SPATA7: variants seen among roughly 807,000 people sequenced by gnomAD.
SPATA7 encodes spermatogenesis-associated protein 7.
A neutral mutation model predicts 51.8 loss-of-function variants in SPATA7; 43 were observed. The observed-to-expected ratio is 0.83, with a 90% CI of 0.65 to 1.07. The LOEUF (loss-of-function observed/expected upper bound fraction) is 1.07, where lower values mean the gene tolerates loss of function less well. Ranked by LOEUF, SPATA7 falls within the 50% of genes least tolerant of loss-of-function variation. The pLI is 0.00. For missense variants in SPATA7, 683 were observed against 701.3 expected, an observed-to-expected ratio of 0.97 and a Z score of 0.30; for synonymous variants, 230 against 252.8, an observed-to-expected ratio of 0.91 and a Z score of 0.86.
intron 3 of SPATA7, among the ~76,000 whole-genome samples, chr14:88,450,874 T>C (rs2077245567): frequency 6.6e-6 from 1 of 152,218 alleles, no homozygotes; most frequent in Non-Finnish European, 1.5e-5. Flanking sequence ...TTTCTTCAAT[T>C]ATTCCCTCAA....
chr14:88,441,751 T>C (rs2077179775), downstream of SPATA7, among the ~76,000 whole-genome samples: 1 of 152,226 alleles, frequency 6.6e-6, no homozygotes, highest in Admixed American at 6.5e-5. Flanking sequence ...TATTAGTCCT[T>C]TGTCAGATGT....
At chr14:88,470,292 T>C (rs1166021920) in exon 5 of SPATA7, 7 of 500,932 alleles carry the variant, frequency 1.4e-5, no homozygotes, top group Middle Eastern at 5.3e-4. Context: ...CTATGCAACC[T>C]GTTTAACCTT....
At chr14:88,422,949 G>A (rs1412938515) in intron 5 of SPATA7, among the ~76,000 whole-genome samples, 1 of 152,116 alleles carries the variant, frequency 6.6e-6, no homozygotes, top group Non-Finnish European at 1.5e-5. Flanking sequence ...TAGTTAAAAT[G>A]CTGGCTTTAA....
chr14:88,439,618 C>A (rs1447741022), downstream of SPATA7, among the ~76,000 whole-genome samples: 1 of 152,130 alleles, frequency 6.6e-6, no homozygotes, highest in African/African-American at 2.4e-5. Context: ...GTATCCTGTT[C>A]TTTAACTCGG....
intron 4 of SPATA7, 47 bp from the exon 5 acceptor site, chr14:88,416,664 A>G (rs747880531): frequency 1.6e-5 from 25 of 1,604,308 alleles, no homozygotes; most frequent in Admixed American, 5.1e-5. Context: ...CAAAAAACCA[A>G]TTTTCTATTT....
At chr14:88,461,148 C>T (rs1298988198) in intron 4 of SPATA7, among the ~76,000 whole-genome samples, 8 of 152,188 alleles carry the variant, frequency 5.3e-5, no homozygotes, top group African/African-American at 1.7e-4. Context: ...TTAGGCTACT[C>T]GGGGGTCAGG....
chr14:88,408,007 G>A (rs1178786363), intron 4 of SPATA7, among the ~76,000 whole-genome samples: 2 of 152,146 alleles, frequency 1.3e-5, no homozygotes, highest in Non-Finnish European at 2.9e-5. Context: ...TTTGGTTACT[G>A]TAGCCTTGCA....
chr14:88,435,880 G>A (rs888907481), intron 10 of SPATA7, among the ~76,000 whole-genome samples: 2 of 152,018 alleles, frequency 1.3e-5, no homozygotes, highest in Non-Finnish European at 2.9e-5. Context: ...ACAGTGCTAC[G>A]ACAAACATAA....
At chr14:88,387,682 G>T (rs943913230) in intron 1 of SPATA7, among the ~76,000 whole-genome samples, 3 of 152,174 alleles carry the variant, frequency 2.0e-5, no homozygotes, top group African/African-American at 7.2e-5. Flanking sequence ...CTGAAAAACG[G>T]TTAGTCTTGT....
chr14:88,434,579 G>A (rs2077027480), intron 10 of SPATA7, among the ~76,000 whole-genome samples: 1 of 151,852 alleles, frequency 6.6e-6, no homozygotes, highest in South Asian at 2.1e-4. Context: ...CAGCTACTCA[G>A]GAGGGTGAGG....
intron 5 of SPATA7, among the ~76,000 whole-genome samples, chr14:88,417,099 A>G (rs1006675350): frequency 6.6e-6 from 1 of 152,118 alleles, no homozygotes; most frequent in African/African-American, 2.4e-5. Flanking sequence ...ATTGGGTCAG[A>G]TTTGGCCTGA....
At chr14:88,459,453 A>T (rs1475262286), downstream of SPATA7, among the ~76,000 whole-genome samples, 1 of 152,198 alleles carries the variant, frequency 6.6e-6, no homozygotes, top group Non-Finnish European at 1.5e-5. Flanking sequence ...TTCTTGTTGA[A>T]TTGATCCCTT....
At position 88,438,320 on chromosome 14, in the gene SPATA7, T is replaced by C; in HGVS notation, c.1698T>C (p.Ser566=). The C allele has an allele frequency of 2.5e-6, 4 of 1,614,032 alleles. No homozygotes were observed. Among genetic ancestry groups the C allele is most frequent in the Non-Finnish European group, 3.4e-6 (4 of 1,179,972 alleles). Residue 566 remains serine, a synonymous_variant, in exon 12 of 12, where the codon TCT becomes TCC. Transcript: ENST00000393545. ...GTCTTAACACATCACCCTCCCAATC[T>C]GTTCAGTTCTCCAGTGTCAAAGGCG... ...LCGLNTSPSQ[S]VQFSSVKGDN...
intron 3 of SPATA7, among the ~76,000 whole-genome samples, chr14:88,394,331 G>T (rs1012532683): frequency 4.6e-5 from 7 of 152,046 alleles, no homozygotes; most frequent in Admixed American, 6.6e-5. Flanking sequence ...GTCCCCTCCT[G>T]ACAAATCCCT....
intron 3 of SPATA7, among the ~76,000 whole-genome samples, chr14:88,443,637 C>A (rs2077192903): frequency 6.6e-6 from 1 of 151,128 alleles, no homozygotes; most frequent in Admixed American, 6.6e-5. Flanking sequence ...CCCCCGACCC[C>A]ACGACCCCAC....
chr14:88,451,777 G>A (rs1197894728), intron 3 of SPATA7, among the ~76,000 whole-genome samples: 1 of 152,058 alleles, frequency 6.6e-6, no homozygotes, highest in African/African-American at 2.4e-5. Flanking sequence ...CACCTGCTTC[G>A]GCCTCCCAAA....
intron 4 of SPATA7, among the ~76,000 whole-genome samples, chr14:88,411,476 T>C (rs1035832923): frequency 7.9e-5 from 12 of 152,268 alleles, no homozygotes; most frequent in African/African-American, 2.9e-4. Context: ...AGTTTTGTGC[T>C]TGAAACCCAG....
intron 10 of SPATA7, among the ~76,000 whole-genome samples, chr14:88,435,948 A>G (rs1363683976): frequency 6.6e-6 from 1 of 152,138 alleles, no homozygotes; most frequent in Non-Finnish European, 1.5e-5. Context: ...GCTGGAACAT[A>G]TGGTAGCTCA....
Position 88,426,586 on chromosome 14 carries a change from C to G in SPATA7, c.727C>G (p.Arg243Gly). The change falls in exon 6 of 12, where the codon CGC becomes GGC. Residue 243 changes from arginine (R) to glycine (G), a missense_variant. Coordinates refer to ENST00000393545, the MANE Select transcript of SPATA7 (RefSeq NM_018418.5). Reference sequence around the variant, plus strand: ...TAACAAACAATTGCCATTCACTCCTCGCACTTTAAAAACAGAAGCAAAATC... The same window carrying G: ...TAACAAACAATTGCCATTCACTCCTGGCACTTTAAAAACAGAAGCAAAATC... The part of the protein sequence containing the change: ...FSNKQLPFTP[R>G]TLKTEAKSFL... The G allele has an allele frequency of 5.0e-6, 8 of 1,614,108 alleles. No individual in the cohort carries two copies. Among genetic ancestry groups the G allele is most frequent in the Non-Finnish European group, 6.8e-6 (8 of 1,179,978 alleles).
Sources: allele counts gnomAD v4.1 joint callset (sites outside exome capture counted in the v4.1 genomes callset), GRCh38; gene constraint gnomAD v4.1.1; transcripts MANE v1.5; gene names NCBI Gene and HGNC (gene_info 2026-07-23, HGNC 2026-07-21).